ACTR3B: variants seen among roughly 807,000 people sequenced by gnomAD.
ACTR3B encodes the protein actin related protein 3B.
ACTR3B carries 8 observed loss-of-function variants against 59.0 expected under a neutral mutation model. That is an observed-to-expected ratio of 0.14 (90% CI 0.08 to 0.24). The LOEUF (loss-of-function observed/expected upper bound fraction) is 0.24, where lower values mean the gene tolerates loss of function less well. Ranked by LOEUF, ACTR3B falls within the 10% of genes least tolerant of loss-of-function variation. The pLI is 1.00. For missense variants in ACTR3B, 245 were observed against 552.3 expected, an observed-to-expected ratio of 0.44 and a Z score of 5.58; for synonymous variants, 148 against 197.9, an observed-to-expected ratio of 0.75 and a Z score of 2.12.
At chr7:152,818,233 A>C (rs1223346451) in intron 6 of ACTR3B, among the ~76,000 whole-genome samples, 2 of 152,038 alleles carry the variant, frequency 1.3e-5, no homozygotes, top group African/African-American at 4.8e-5. Context: ...GATTTAGGAA[A>C]AGGAAAGAAA....
intron 9 of ACTR3B, among the ~76,000 whole-genome samples, chr7:152,839,051 C>T (rs1398503501): frequency 6.6e-6 from 1 of 151,334 alleles, no homozygotes; most frequent in Non-Finnish European, 1.5e-5. Flanking sequence ...GAGCATGAGG[C>T]TGTCTTGGGA....
intron 9 of ACTR3B, among the ~76,000 whole-genome samples, chr7:152,830,077 T>G (rs551307929): frequency 1.2e-4 from 18 of 152,152 alleles, no homozygotes; most frequent in Non-Finnish European, 2.5e-4. Context: ...TTATGGTAAT[T>G]GAGAGAAGGG....
At chr7:152,798,072 G>T (rs1179364621) in intron 2 of ACTR3B, among the ~76,000 whole-genome samples, 2 of 152,018 alleles carry the variant, frequency 1.3e-5, no homozygotes, top group Non-Finnish European at 2.9e-5. Flanking sequence ...TTGTTGGATC[G>T]TATGGTAGTT....
At chr7:152,820,007 G>T (rs1796022617) in intron 6 of ACTR3B, among the ~76,000 whole-genome samples, 1 of 152,186 alleles carries the variant, frequency 6.6e-6, no homozygotes, top group Non-Finnish European at 1.5e-5. Context: ...TTTTGGAAAT[G>T]AACTATCTTA....
chr7:152,855,001 A>T lies in ACTR3B; in HGVS notation c.*448A>T, dbSNP rs977172249. On this transcript the variant is annotated 3_prime_UTR_variant, in exon 12 of 12. Transcript: ENST00000256001. ...ATACAAATCGATGTTTATATTTCCT[A>T]TCATTTTGTATTTTATGGTATTTGG... 6.2e-6 allele frequency: 1 copy of T among 160,128 alleles called. No individual in the cohort carries two copies. The highest frequency in any genetic ancestry group is 1.4e-5 in the Non-Finnish European group (1 of 72,690). The allele number at this position is 160,128 out of a possible 1,614,324, so 9.9% of individuals were successfully genotyped here. A position where few individuals can be genotyped will look rare whatever the true frequency, so the allele number is the denominator to read the frequency against.
chr7:152,774,009 C>A (rs1195207282), intron 1 of ACTR3B, among the ~76,000 whole-genome samples: 2 of 152,226 alleles, frequency 1.3e-5, no homozygotes, highest in African/African-American at 4.8e-5. Context: ...TCAGCTCTTG[C>A]CCCTGCTGTC....
intron 2 of ACTR3B, among the ~76,000 whole-genome samples, chr7:152,787,021 T>C (rs866076196): frequency 6.6e-6 from 1 of 152,176 alleles, no homozygotes; most frequent in South Asian, 2.1e-4. Context: ...TATCTGCTAG[T>C]TTCCTGAGAG....
intron 1 of ACTR3B, among the ~76,000 whole-genome samples, chr7:152,773,657 T>A (rs2098129570): frequency 6.6e-6 from 1 of 152,184 alleles, no homozygotes; most frequent in Non-Finnish European, 1.5e-5. Context: ...TGAGTATTAT[T>A]TGATTGCAAA....
chr7:152,777,068 G>C (rs1421432720), intron 1 of ACTR3B, among the ~76,000 whole-genome samples: 2 of 152,062 alleles, frequency 1.3e-5, no homozygotes, highest in Non-Finnish European at 2.9e-5. Flanking sequence ...ACTTATGTGG[G>C]GTAGGTTCCT....
chr7:152,798,046 A>G (rs2116717161), intron 2 of ACTR3B, among the ~76,000 whole-genome samples: 1 of 152,294 alleles, frequency 6.6e-6, no homozygotes, highest in South Asian at 2.1e-4. Flanking sequence ...CTTTGGATAT[A>G]TGCCCAGTAG....
intron 6 of ACTR3B, chr7:152,817,002 G>C (rs529721755): frequency 4.3e-6 from 1 of 230,748 alleles, no homozygotes; most frequent in African/African-American, 2.3e-5. Context: ...GGTGCAGTGC[G>C]TGGCCATTTG....
At chr7:152,818,906 G>A (rs2116845779) in intron 6 of ACTR3B, among the ~76,000 whole-genome samples, 1 of 152,144 alleles carries the variant, frequency 6.6e-6, no homozygotes, top group South Asian at 2.1e-4. Flanking sequence ...TTTTTCTCTT[G>A]TGGTTAAATA....
intron 1 of ACTR3B, among the ~76,000 whole-genome samples, chr7:152,766,836 G>C (rs2098111950): frequency 6.6e-6 from 1 of 151,980 alleles, no homozygotes; most frequent in African/African-American, 2.4e-5. Flanking sequence ...GCCCATGCTA[G>C]AGTGCGGCGG....
Position 152,824,897 on chromosome 7 carries a change from T to A in ACTR3B, c.859-133T>A. On this transcript the variant is annotated intron_variant, in intron 8 of 11. Coordinates refer to ENST00000256001, the MANE Select transcript of ACTR3B (RefSeq NM_020445.6). The surrounding 1 kb of genome is among the most constrained non-coding windows in gnomAD (Gnocchi z 4.2). The stretch of plus-strand genomic sequence containing the variant: ...AGTCACATGGGATTCATTTGACATA[T>A]CCTTCATTCCAATGTGAATTCTTTT... 9.7e-7 allele frequency: 1 copy of A among 1,030,044 alleles called. No individual in the cohort carries two copies. Among genetic ancestry groups the A allele is most frequent in the African/African-American group, 1.6e-5 (1 of 61,104 alleles). 63.8% of individuals were successfully genotyped at this position (1,030,044 alleles called of 1,614,324 possible). A position where few individuals can be genotyped will look rare whatever the true frequency, so the allele number is the denominator to read the frequency against.
At chr7:152,782,557 A>T (rs1590232534) in intron 1 of ACTR3B, among the ~76,000 whole-genome samples, 1 of 152,270 alleles carries the variant, frequency 6.6e-6, no homozygotes, top group African/African-American at 2.4e-5. Flanking sequence ...AAATGAGATG[A>T]TAAAGAGATG....
intron 1 of ACTR3B, among the ~76,000 whole-genome samples, chr7:152,779,783 G>A (rs889795778): frequency 1.3e-5 from 2 of 152,132 alleles, no homozygotes; most frequent in African/African-American, 4.8e-5. Flanking sequence ...TGTCATTGAA[G>A]TTAGTGATGG....
At chr7:152,853,449 T>G in intron 10 of ACTR3B, 45 bp from the exon 11 acceptor site, 1 of 1,570,162 alleles carries the variant, frequency 6.4e-7, no homozygotes, top group Non-Finnish European at 8.8e-7. Flanking sequence ...TTAGATCACA[T>G]GTGTCTGTGG....
chr7:152,790,328 A>G (rs1232681597), intron 2 of ACTR3B, among the ~76,000 whole-genome samples: 1 of 152,158 alleles, frequency 6.6e-6, no homozygotes, highest in Non-Finnish European at 1.5e-5. Context: ...ATTTTCGAAT[A>G]TTGAACAGTT....
At chr7:152,832,112 T>C (rs1015882532) in intron 9 of ACTR3B, among the ~76,000 whole-genome samples, 20 of 152,032 alleles carry the variant, frequency 1.3e-4, no homozygotes, top group African/African-American at 4.4e-4. Context: ...AGGTGGCTCA[T>C]GGAGGAAGCC....
Sources: allele counts gnomAD v4.1 joint callset (sites outside exome capture counted in the v4.1 genomes callset), GRCh38; gene constraint gnomAD v4.1.1; non-coding constraint Gnocchi (gnomAD v3.1); transcripts MANE v1.5; gene names NCBI Gene and HGNC (gene_info 2026-07-23, HGNC 2026-07-21).